RIN2: variants seen among roughly 807,000 people sequenced by gnomAD.
RIN2 encodes Ras and Rab interactor 2, also known as RAB5 interacting protein 2.
A neutral mutation model predicts 78.0 loss-of-function variants in RIN2; 36 were observed. The observed-to-expected ratio is 0.46, with a 90% CI of 0.35 to 0.61. RIN2 has a LOEUF of 0.61. RIN2 is among the 20% of genes least tolerant of loss of function. RIN2 has a pLI of 0.00. For synonymous variants in RIN2, 466 were observed against 466.8 expected, an observed-to-expected ratio of 1.00 and a Z score of 0.02; for missense variants, 1,087 against 1,159.7, an observed-to-expected ratio of 0.94 and a Z score of 0.91.
At chr20:19,961,995 A>G (rs2041767913) in intron 6 of RIN2, among the ~76,000 whole-genome samples, 1 of 152,148 alleles carries the variant, frequency 6.6e-6, no homozygotes, top group Admixed American at 6.6e-5. Context: ...GTAATTCTGA[A>G]TTGGCTTTTG....
chr20:19,918,662 C>A (rs754384640), intron 3 of RIN2, among the ~76,000 whole-genome samples: 1 of 151,754 alleles, frequency 6.6e-6, no homozygotes, highest in Non-Finnish European at 1.5e-5. Flanking sequence ...AAAGGCAATA[C>A]AATTAAAACC....
intron 2 of RIN2, among the ~76,000 whole-genome samples, chr20:19,822,666 A>C (rs188056894): frequency 8.3e-5 from 12 of 145,416 alleles, no homozygotes; most frequent in East Asian, 2.0e-4. Flanking sequence ...ACACACACAC[A>C]CCCACACACA....
At chr20:19,937,117 T>C (rs1301658995) in intron 4 of RIN2, among the ~76,000 whole-genome samples, 1 of 152,210 alleles carries the variant, frequency 6.6e-6, no homozygotes, top group African/African-American at 2.4e-5. Flanking sequence ...TGCTGGAGTG[T>C]CTTGCTGATT....
intron 1 of RIN2, among the ~76,000 whole-genome samples, chr20:19,780,318 C>T (rs1027989909): frequency 9.9e-5 from 15 of 152,252 alleles, no homozygotes; most frequent in African/African-American, 2.4e-4. Context: ...ATAGTGGTCC[C>T]GAATTGATAT....
chr20:19,925,326 G>A (rs908268956), intron 3 of RIN2, among the ~76,000 whole-genome samples: 1 of 152,156 alleles, frequency 6.6e-6, no homozygotes, highest in Non-Finnish European at 1.5e-5. Context: ...TATATAAACA[G>A]GCAAAGCTGT....
chr20:19,975,582 C>G lies in RIN2; in HGVS notation c.1557C>G (p.Ala519=). The G allele has an allele frequency of 1.2e-6, 2 of 1,613,990 alleles. No homozygotes were observed. The highest frequency in any genetic ancestry group is 1.7e-6 in the Non-Finnish European group (2 of 1,179,892). ...AGAAGCGGATGGTCCGCAGGATCGC[C>G]GAGCTTTCCCGGGACAAATGCACCT... ...TPEKRMVRRI[A]ELSRDKCTYF... The change falls in exon 9 of 13, where the codon GCC becomes GCG. Residue 519 remains alanine (A), a synonymous_variant. Transcript: ENST00000255006. This position sits in a 1 kb window ranked among gnomAD's most constrained non-coding sequence, Gnocchi z 4.9.
At chr20:19,839,898 A>C (rs546997888) in intron 2 of RIN2, among the ~76,000 whole-genome samples, 41 of 152,370 alleles carry the variant, frequency 2.7e-4, no homozygotes, top group Admixed American at 8.5e-4. Flanking sequence ...TAAATGCAAA[A>C]TTGAAACCCG....
rs199603 is a variant in RIN2, at chr20:19,990,170, G to A, written c.1927G>A (p.Ala643Thr). The A allele has an allele frequency of 1.2e-3, 1,896 of 1,604,702 alleles. 18 individuals carry two copies. The African/African-American group carries it at 0.022, about 19-fold the overall frequency. Residue 643 changes from alanine (A) to threonine (T), a missense_variant, in exon 10 of 13, where the codon GCC (alanine) becomes ACC (threonine). Physicochemically the swap from Ala to Thr is moderately conservative, Grantham distance 58 (BLOSUM62 0). Around this residue, in one of 8 missense-constraint regions of RIN2, gnomAD observed 97 missense variants for 104.8 expected, o/e 0.93. Transcript: ENST00000255006. ...GAATCCGCAGGAGCTGGGGGTCTTC[G>A]CCCCGACCCCTGATTTTGTGGATGT... is the stretch of plus-strand genomic sequence containing the variant. ...QRNPQELGVFAPTPDFVDVEK... is the reference protein window; with the variant it reads ...QRNPQELGVFTPTPDFVDVEK...
At chr20:19,922,105 A>T (rs924203034) in intron 3 of RIN2, among the ~76,000 whole-genome samples, 1 of 152,246 alleles carries the variant, frequency 6.6e-6, no homozygotes, top group Admixed American at 6.5e-5. Flanking sequence ...ACCTCAAGTG[A>T]TCTATTCGCC....
At chr20:19,891,676 G>A (rs139195855) in intron 3 of RIN2, among the ~76,000 whole-genome samples, 5,848 of 152,188 alleles carry the variant, frequency 0.038, 359 homozygotes, top group African/African-American at 0.13. Flanking sequence ...AAACTTAGCT[G>A]GGTGTGGTGG....
chr20:19,871,448 C>T (rs6046390), intron 2 of RIN2, among the ~76,000 whole-genome samples: 68,365 of 151,948 alleles, frequency 0.45, 15,930 homozygotes, highest in Middle Eastern at 0.54. Context: ...ATATCGTGCA[C>T]CTCAGAGATG....
intron 2 of RIN2, among the ~76,000 whole-genome samples, chr20:19,855,214 C>A (rs1479696480): frequency 2.0e-5 from 3 of 152,106 alleles, no homozygotes; most frequent in Non-Finnish European, 4.4e-5. Context: ...ACCAGCCTTG[C>A]ATCCCAGGGA....
At position 19,787,016 on chromosome 20, in the gene RIN2, G is replaced by A. The variant is rs139361795; in HGVS notation, c.-162-12606G>A. Among the ~76,000 whole-genome samples, 1,475 of 152,192 alleles carry A rather than the reference G, an allele frequency of 9.7e-3. 21 individuals carry two copies. Among genetic ancestry groups the A allele is most frequent in the African/African-American group, 0.034 (1,400 of 41,506 alleles). On this transcript the variant is annotated intron_variant, in intron 1 of 12. Transcript: ENST00000255006. The stretch of plus-strand genomic sequence containing the variant: ...ATGGGATAAAGCTAAAAGGACATAG[G>A]GACTAAAAATGTGGCTGCTGGTCTC...
chr20:19,982,044 G>T (rs1301485568), intron 9 of RIN2, among the ~76,000 whole-genome samples: 1 of 152,210 alleles, frequency 6.6e-6, no homozygotes, highest in Non-Finnish European at 1.5e-5. Flanking sequence ...AGGGCCTCAT[G>T]CTGGGGACTT....
chr20:19,960,913 G>T, intron 6 of RIN2, 102 bp downstream of exon 6: 2 of 698,876 alleles, frequency 2.9e-6, no homozygotes, highest in Non-Finnish European at 4.9e-6. Context: ...GCAGATATGG[G>T]CCTGAGTCTT....
chr20:19,967,730 A>G (rs1385067442), intron 7 of RIN2, among the ~76,000 whole-genome samples: 1 of 152,212 alleles, frequency 6.6e-6, no homozygotes, highest in Non-Finnish European at 1.5e-5. Flanking sequence ...AATCCGGTAC[A>G]GTGGGTCTGG....
intron 3 of RIN2, among the ~76,000 whole-genome samples, chr20:19,920,153 A>G (rs405048): frequency 1 from 152,035 of 152,120 alleles, 75,975 homozygotes; most frequent in Middle Eastern, 1. Context: ...AAAATTAGCC[A>G]GGCATGGTGG....
intron 5 of RIN2, among the ~76,000 whole-genome samples, chr20:19,958,173 G>A (rs1350558512): frequency 2.6e-5 from 4 of 152,310 alleles, no homozygotes; most frequent in East Asian, 1.9e-4. Flanking sequence ...GAACTAAGAC[G>A]TCTGCTAGAA....
At chr20:19,774,254 G>C (rs932759726) in intron 1 of RIN2, among the ~76,000 whole-genome samples, 4 of 152,140 alleles carry the variant, frequency 2.6e-5, no homozygotes, top group African/African-American at 9.7e-5. Flanking sequence ...CCAGTTCACT[G>C]AATCAGGAGA....
Sources: allele counts gnomAD v4.1 joint callset (sites outside exome capture counted in the v4.1 genomes callset), GRCh38; gene constraint gnomAD v4.1.1; regional missense constraint gnomAD v4.1.1; non-coding constraint Gnocchi (gnomAD v3.1); transcripts MANE v1.5; gene names NCBI Gene and HGNC (gene_info 2026-07-23, HGNC 2026-07-21).